Variants in HSDL2 observed in about 807,000 individuals in gnomAD.
HSDL2 encodes hydroxysteroid dehydrogenase like 2.
A neutral mutation model predicts 46.3 loss-of-function variants in HSDL2; 27 were observed. The observed-to-expected ratio is 0.58, with a 90% CI of 0.43 to 0.80. HSDL2 has a LOEUF of 0.80. Ranked by LOEUF, HSDL2 falls within the 30% of genes least tolerant of loss-of-function variation. The pLI is 0.00. For synonymous variants in HSDL2, 153 were observed against 163.6 expected (o/e 0.94, Z 0.50); for missense variants, 451 against 502.7 (o/e 0.90, Z 0.98).
chr9:112,386,605 G>A (rs1831221907), intron 1 of HSDL2, among the ~76,000 whole-genome samples: 1 of 144,620 alleles, frequency 6.9e-6, no homozygotes, highest in Non-Finnish European at 1.5e-5. Flanking sequence ...AGCACAGTAA[G>A]ACTCTGTCTC....
intron 8 of HSDL2, among the ~76,000 whole-genome samples, chr9:112,446,153 T>C (rs574699144): frequency 2.6e-5 from 4 of 152,126 alleles, no homozygotes; most frequent in African/African-American, 9.6e-5. Flanking sequence ...AGGAGATATC[T>C]CTAGAGCTAG....
At chr9:112,436,457 T>G (rs1161089031) in intron 6 of HSDL2, among the ~76,000 whole-genome samples, 1 of 151,944 alleles carries the variant, frequency 6.6e-6, no homozygotes, top group Non-Finnish European at 1.5e-5. Context: ...GACTTACATA[T>G]AGTAAGTGCT....
At chr9:112,437,459 G>A (rs1379945474) in intron 6 of HSDL2, among the ~76,000 whole-genome samples, 1 of 152,084 alleles carries the variant, frequency 6.6e-6, no homozygotes, top group African/African-American at 2.4e-5. Flanking sequence ...TACAATAGAT[G>A]ATATATCATA....
rs892857355 is a variant in HSDL2 at position 112,431,408 on chromosome 9, G to T, written c.599-7023G>T. 2.1e-4 allele frequency among the ~76,000 whole-genome samples: 32 copies of T among 152,172 alleles called. 1 individual carries two copies. The highest frequency in any genetic ancestry group is 7.2e-4 in the African/African-American group (30 of 41,436). On this transcript the variant is annotated intron_variant, in intron 6 of 10. Transcript: ENST00000398805. Reference sequence around the variant, plus strand: ...ATTGAAAGGTTGGGAAGAAGAGGAAGACCCACATAGGAGAGTAAGGTAGGA... The same window carrying T: ...ATTGAAAGGTTGGGAAGAAGAGGAATACCCACATAGGAGAGTAAGGTAGGA...
intron 6 of HSDL2, among the ~76,000 whole-genome samples, chr9:112,428,772 C>A (rs1262036482): frequency 1.3e-5 from 2 of 152,100 alleles, no homozygotes; most frequent in East Asian, 3.8e-4. Context: ...TCTCAATTAC[C>A]CTTCCTCACA....
chr9:112,451,746 A>AT (rs555635913), intron 8 of HSDL2, among the ~76,000 whole-genome samples: 1,776 of 144,000 alleles, frequency 0.012, 13 homozygotes, highest in African/African-American at 0.021. Flanking sequence ...CTCCTCTTGC[A>AT]TTTTTTTTTT....
chr9:112,385,916 A>G (rs1480061557), intron 1 of HSDL2, among the ~76,000 whole-genome samples: 2 of 151,616 alleles, frequency 1.3e-5, no homozygotes, highest in African/African-American at 4.8e-5. Flanking sequence ...GTTAGGCACC[A>G]TGCCCGGCCA....
At chr9:112,391,118 G>T (rs898754532) in intron 1 of HSDL2, among the ~76,000 whole-genome samples, 3 of 151,872 alleles carry the variant, frequency 2.0e-5, no homozygotes, top group Non-Finnish European at 2.9e-5. Flanking sequence ...AGAGGTTGCA[G>T]TGAGCCAAGA....
chr9:112,444,461 G>C (rs114630443), intron 8 of HSDL2, among the ~76,000 whole-genome samples: 2,250 of 152,126 alleles, frequency 0.015, 46 homozygotes, highest in African/African-American at 0.052. Flanking sequence ...ATATCAACCA[G>C]GCATAGTGGC....
intron 4 of HSDL2, among the ~76,000 whole-genome samples, chr9:112,409,503 A>C (rs957853511): frequency 6.6e-6 from 1 of 152,038 alleles, no homozygotes; most frequent in African/African-American, 2.4e-5. Flanking sequence ...ATAGTATTTT[A>C]AATAGCTTTA....
chr9:112,412,034 G>A (rs755193512), intron 4 of HSDL2, among the ~76,000 whole-genome samples: 2 of 152,194 alleles, frequency 1.3e-5, no homozygotes, highest in Non-Finnish European at 2.9e-5. Context: ...TACAGGTTGA[G>A]TATCCCTGGT....
chr9:112,380,303 C>A, intron 1 of HSDL2, 123 bp downstream of exon 1: 1 of 908,314 alleles, frequency 1.1e-6, no homozygotes, highest in Non-Finnish European at 1.6e-6. Flanking sequence ...ACTGCCTGGG[C>A]ACGCTCTGAG....
At position 112,403,926 on chromosome 9, in the gene HSDL2, G is replaced by A. The variant is rs190933121; in HGVS notation, c.18-69G>A. 3.6e-5 allele frequency: 53 copies of A among 1,462,938 alleles called. No individual in the cohort carries two copies. The African/African-American group carries it at 6.7e-4, about 19-fold the overall frequency. The allele number at this position is 1,462,938 out of a possible 1,614,324, so 90.6% of individuals were successfully genotyped here. ...AAACATATATTATGAAAATATGCAT[G>A]AGGTTCTGATACCTGTCAGTAAATA... On this transcript the variant is annotated intron_variant, in intron 1 of 10. Coordinates refer to ENST00000398805, the MANE Select transcript of HSDL2 (RefSeq NM_032303.5).
Position 112,467,898 on chromosome 9 carries a change from A to G in HSDL2, c.1145-2534A>G, listed in dbSNP as rs76719074. Among the ~76,000 whole-genome samples the G allele has an allele frequency of 4.6e-3, 702 of 152,182 alleles. 35 individuals carry two copies. The East Asian group carries it at 0.12, about 26-fold the overall frequency. ...GAAATTTAACTCTCTCCTGCACTGAATCTCCTGTTTCCTGGATCCCATGTC... is the reference window on the plus strand; with the variant it reads ...GAAATTTAACTCTCTCCTGCACTGAGTCTCCTGTTTCCTGGATCCCATGTC... On this transcript the variant is annotated intron_variant, in intron 10 of 10. Transcript: ENST00000398805.
intron 3 of HSDL2, among the ~76,000 whole-genome samples, chr9:112,406,326 A>T (rs1331428581): frequency 1.3e-5 from 2 of 152,154 alleles, no homozygotes; most frequent in Non-Finnish European, 2.9e-5. Context: ...TGCACAATCT[A>T]TGTATGTGAG....
At chr9:112,381,520 A>AT (rs771238003) in intron 1 of HSDL2, among the ~76,000 whole-genome samples, 53 of 151,918 alleles carry the variant, frequency 3.5e-4, no homozygotes, top group Non-Finnish European at 5.9e-4. Context: ...CGCCCTGTTG[A>AT]TTTTTTTGTA....
intron 1 of HSDL2, among the ~76,000 whole-genome samples, chr9:112,392,853 A>C (rs987671814): frequency 2.6e-5 from 4 of 152,260 alleles, no homozygotes; most frequent in African/African-American, 9.6e-5. Flanking sequence ...TTAAGAGATT[A>C]AAGTAAAGAC....
intron 3 of HSDL2, 45 bp downstream of exon 3, chr9:112,405,767 A>C (rs986381846): frequency 3.3e-5 from 39 of 1,165,452 alleles, no homozygotes; most frequent in Non-Finnish European, 4.1e-5. Context: ...TGGTAAAATA[A>C]AGGTATAACT....
At chr9:112,467,798 T>TC (rs578091143) in intron 10 of HSDL2, among the ~76,000 whole-genome samples, 12 of 152,220 alleles carry the variant, frequency 7.9e-5, no homozygotes, top group South Asian at 4.1e-4. Context: ...GTCCACTTTT[T>TC]CCCCGGAGCC....
Sources: allele counts gnomAD v4.1 joint callset (sites outside exome capture counted in the v4.1 genomes callset), GRCh38; gene constraint gnomAD v4.1.1; transcripts MANE v1.5; gene names NCBI Gene and HGNC (gene_info 2026-07-23, HGNC 2026-07-21).